WASHC2C: variants seen among roughly 807,000 people sequenced by gnomAD.
WASHC2C encodes the protein WASH complex subunit 2C, also known as Vaccinia Penetration Factor.
Under a neutral mutation model 142.2 loss-of-function variants are expected in WASHC2C, and 73 were observed. The observed-to-expected ratio is 0.51, with a 90% confidence interval of 0.43 to 0.62. WASHC2C has a LOEUF of 0.62. Among genes scored for constraint, WASHC2C ranks in the 20% least tolerant of loss-of-function variants. The probability of loss-of-function intolerance (pLI) is 0.00; values close to 1 mark genes in which losing one functional copy is unlikely to be tolerated. For synonymous variants in WASHC2C, 337 were observed against 565.5 expected (o/e 0.60, Z 5.73); for missense variants, 969 against 1,531.7 (o/e 0.63, Z 6.13).
chr10:45,741,142 TTCACCA>T (rs1554867709), intron 5 of WASHC2C, among the ~76,000 whole-genome samples: 1 of 151,960 alleles, frequency 6.6e-6, no homozygotes, highest in Admixed American at 6.6e-5. Context: ...TAGACAGGGT[TTCACCA>T]TGTTGGCCAG....
chr10:45,738,710 A>G (rs191068843), intron 4 of WASHC2C, among the ~76,000 whole-genome samples: 1 of 151,974 alleles, frequency 6.6e-6, no homozygotes, highest in Admixed American at 6.6e-5. Context: ...TATTTAAAAA[A>G]TTTTTTTATT....
intron 4 of WASHC2C, 32 bp downstream of exon 4, chr10:45,738,077 T>G: frequency 1.2e-6 from 2 of 1,611,964 alleles, no homozygotes; most frequent in East Asian, 2.2e-5. Context: ...TAGCTGAGTT[T>G]CTGACTTTGA....
intron 18 of WASHC2C, among the ~76,000 whole-genome samples, chr10:45,764,279 A>AT (rs1207254952): frequency 1.8e-4 from 27 of 147,964 alleles, no homozygotes; most frequent in Non-Finnish European, 3.1e-4. Context: ...GCTTTTCCTT[A>AT]TTTTTTTTAT....
At chr10:45,761,565 A>G (rs1329634741) in intron 17 of WASHC2C, among the ~76,000 whole-genome samples, 17 of 152,202 alleles carry the variant, frequency 1.1e-4, no homozygotes, top group African/African-American at 2.9e-4. Flanking sequence ...GGCAAGGAGA[A>G]GTAAAACTAA....
chr10:45,751,682 T>C (rs1444009788), intron 11 of WASHC2C, 129 bp downstream of exon 11: 2 of 1,499,798 alleles, frequency 1.3e-6, no homozygotes, highest in Non-Finnish European at 1.8e-6. Flanking sequence ...CCATTTACTT[T>C]TCTAAAGCCT....
intron 7 of WASHC2C, 138 bp from the exon 8 acceptor site, chr10:45,746,462 A>G (rs2052843548): frequency 2.0e-6 from 2 of 1,015,160 alleles, no homozygotes; most frequent in Non-Finnish European, 3.1e-6. Flanking sequence ...ACCAGTAGTC[A>G]GTACAAAGAG....
chr10:45,749,906 T>C (rs1336942730), intron 8 of WASHC2C, among the ~76,000 whole-genome samples, 190 bp from the exon 9 acceptor site: 1 of 145,362 alleles, frequency 6.9e-6, no homozygotes, highest in Non-Finnish European at 1.5e-5. Context: ...ATATTTTTTT[T>C]CTTAGATTCA....
intron 30 of WASHC2C, among the ~76,000 whole-genome samples, chr10:45,790,752 C>G (rs1208595513): frequency 6.6e-6 from 1 of 152,144 alleles, no homozygotes; most frequent in Non-Finnish European, 1.5e-5. Flanking sequence ...TGAAGGCACC[C>G]AGAGTTTGAT....
chr10:45,754,527 G>T lies in WASHC2C; in HGVS notation c.1222G>T (p.Ala408Ser), dbSNP rs1554876325. ...ACCTGGAAAGAAAATCCCAGCAGGA[G>T]CTGTTTCTGTATTTTTAGGTAACAT... ...SKPGKKIPAG[A>S]VSVFLGDTDV... is the part of the protein sequence containing the mutation. Residue 408 changes from alanine to serine, a missense_variant, in exon 14 of 31, where the codon GCT (alanine) becomes TCT (serine). By Grantham distance (99) the Ala-to-Ser change is moderately conservative. Transcript: ENST00000623400. 1 of 1,602,072 alleles carries T rather than the reference G, an allele frequency of 6.2e-7. No individual in the cohort carries two copies. The highest frequency in any genetic ancestry group is 2.2e-5 in the East Asian group (1 of 44,670).
At chr10:45,784,258 A>AG (rs1564819324) in intron 23 of WASHC2C, among the ~76,000 whole-genome samples, 6 of 4,662 alleles carry the variant, frequency 1.3e-3, no homozygotes, top group African/African-American at 3.0e-3. Context: ...GTGTGTATAT[A>AG]TATATATATA....
At chr10:45,766,107 G>T (rs1289529433) in intron 19 of WASHC2C, among the ~76,000 whole-genome samples, 1 of 152,084 alleles carries the variant, frequency 6.6e-6, no homozygotes, top group East Asian at 1.9e-4. Context: ...GTTCATGGTC[G>T]AGTCCCTTAG....
chr10:45,779,052 A>G lies in WASHC2C; in HGVS notation c.2395A>G (p.Thr799Ala). The change falls in exon 23 of 31, where the codon ACT (threonine) becomes GCT (alanine). Residue 799 changes from threonine to alanine, a missense_variant. Coordinates refer to ENST00000623400, the MANE Select transcript of WASHC2C (RefSeq NM_001330074.2). ...WDKGTKPRTKTVLSLFDEEED... is the reference protein window; with the variant it reads ...WDKGTKPRTKAVLSLFDEEED... ...CAAAGGAACCAAGCCTAGAACCAAA[A>G]CTGTTCTTAGCTTGTTTGATGAGGA... is the stretch of plus-strand genomic sequence containing the variant. The G allele has an allele frequency of 6.2e-7, 1 of 1,608,390 alleles. No individual in the cohort carries two copies. Among genetic ancestry groups the G allele is most frequent in the Non-Finnish European group, 8.5e-7 (1 of 1,178,294 alleles).
intron 17 of WASHC2C, 117 bp downstream of exon 17, chr10:45,759,518 C>T (rs2054811088): frequency 1.1e-5 from 16 of 1,442,598 alleles, no homozygotes; most frequent in Middle Eastern, 2.5e-4. Context: ...TACTCCAGTT[C>T]TTTAAAAATT....
At chr10:45,728,507 G>A (rs2050170398) in intron 2 of WASHC2C, among the ~76,000 whole-genome samples, 1 of 151,962 alleles carries the variant, frequency 6.6e-6, no homozygotes. Context: ...GGGAGGCCGA[G>A]GTGGGCGAAT....
Position 45,789,403 on chromosome 10 carries a change from A to T in WASHC2C, c.3620A>T (p.Asp1207Val). The change falls in exon 29 of 31, where the codon GAC (aspartate) becomes GTC (valine). Residue 1207 changes from aspartate (D) to valine (V), a missense_variant. Coordinates refer to ENST00000623400, the MANE Select transcript of WASHC2C (RefSeq NM_001330074.2). ...NPFPLLEDED[D>V]LFTDQKVKKN... ...TTTCCTCTCCTGGAAGATGAGGATG[A>T]CCTCTTTACAGATCAGAAAGTCAAG... 6.2e-7 allele frequency: 1 copy of T among 1,612,054 alleles called. No homozygotes were observed. Among genetic ancestry groups the T allele is most frequent in the Non-Finnish European group, 8.5e-7 (1 of 1,179,866 alleles).
chr10:45,759,007 C>T (rs2054698326), intron 16 of WASHC2C, among the ~76,000 whole-genome samples: 1 of 150,244 alleles, frequency 6.7e-6, no homozygotes, highest in South Asian at 2.1e-4. Context: ...CCACCTAAGG[C>T]CCAGCATTCA....
chr10:45,746,646 A>C lies in WASHC2C; in HGVS notation c.731A>C (p.Gln244Pro), dbSNP rs2257402. 1 of 1,601,924 alleles carries C rather than the reference A, an allele frequency of 6.2e-7. No individual in the cohort carries two copies. Among genetic ancestry groups the C allele is most frequent in the African/African-American group, 1.4e-5 (1 of 73,332 alleles). Residue 244 changes from glutamine (Q) to proline (P), a missense_variant and splice_region_variant, in exon 8 of 31, where the codon CAG (glutamine) becomes CCG (proline). Coordinates refer to ENST00000623400, the MANE Select transcript of WASHC2C (RefSeq NM_001330074.2). ...FAHHSDNEQN[Q>P]HTTQMSDEEE... is the part of the protein sequence containing the mutation. ...CATCACAGTGACAATGAACAAAACC[A>C]GGTAAGGCTCATATATTGAAATGAC...
intron 3 of WASHC2C, among the ~76,000 whole-genome samples, chr10:45,730,410 A>G (rs1180149316): frequency 2.0e-5 from 3 of 146,832 alleles, no homozygotes; most frequent in South Asian, 2.2e-4. Context: ...CAGAATGTCC[A>G]TGCTTGGTCC....
At chr10:45,788,142 A>C (rs2058183912) in intron 28 of WASHC2C, among the ~76,000 whole-genome samples, 1 of 152,218 alleles carries the variant, frequency 6.6e-6, no homozygotes, top group Non-Finnish European at 1.5e-5. Flanking sequence ...TTGGCAACTA[A>C]AATTGTGACA....
Sources: allele counts gnomAD v4.1 joint callset (sites outside exome capture counted in the v4.1 genomes callset), GRCh38; gene constraint gnomAD v4.1.1; transcripts MANE v1.5; gene names NCBI Gene and HGNC (gene_info 2026-07-23, HGNC 2026-07-21).